The following ANK2 variants were observed in gnomAD, a reference collection of about 807,000 sequenced individuals.
ANK2 encodes ankyrin-2.
Under a neutral mutation model 360.5 loss-of-function variants are expected in ANK2, and 83 were observed. That is an observed-to-expected ratio of 0.23 (90% CI 0.19 to 0.28). The LOEUF is 0.28. Ranked by LOEUF, ANK2 falls within the 10% of genes least tolerant of loss-of-function variation. The pLI is 1.00. For missense variants in ANK2, 4,201 were observed against 4,795.7 expected, an observed-to-expected ratio of 0.88 and a Z score of 3.66; for synonymous variants, 1,740 against 1,759.5, an observed-to-expected ratio of 0.99 and a Z score of 0.28.
At chr4:112,863,678 A>T (rs1485286369) in intron 1 of ANK2, among the ~76,000 whole-genome samples, 1 of 151,558 alleles carries the variant, frequency 6.6e-6, no homozygotes, top group South Asian at 2.1e-4. Flanking sequence ...GCCAGCCACC[A>T]CGCCCGGCTA....
At chr4:112,822,140 C>G (rs1026137159) in intron 1 of ANK2, among the ~76,000 whole-genome samples, 1 of 150,536 alleles carries the variant, frequency 6.6e-6, no homozygotes, top group Non-Finnish European at 1.5e-5. Context: ...CGGTGGCTTA[C>G]GTCTGTAATC....
chr4:113,251,521 C>T (rs900007973), intron 10 of ANK2, among the ~76,000 whole-genome samples: 17 of 123,284 alleles, frequency 1.4e-4, no homozygotes, highest in African/African-American at 2.8e-4. Context: ...CTCGCTCTGT[C>T]GCCCAGGCTG....
At chr4:113,306,772 C>A (rs1482716409) in intron 23 of ANK2, among the ~76,000 whole-genome samples, 1 of 151,998 alleles carries the variant, frequency 6.6e-6, no homozygotes, top group Non-Finnish European at 1.5e-5. Flanking sequence ...TTCAATAGCA[C>A]GCAGCTAGTA....
intron 1 of ANK2, among the ~76,000 whole-genome samples, chr4:113,114,410 G>T (rs1288001548): frequency 1.3e-5 from 2 of 152,202 alleles, no homozygotes; most frequent in African/African-American, 2.4e-5. Context: ...ACAGTGCTTT[G>T]TGCAATGCGT....
At chr4:113,056,876 A>C (rs924850680) in intron 1 of ANK2, among the ~76,000 whole-genome samples, 2 of 152,232 alleles carry the variant, frequency 1.3e-5, no homozygotes, top group Non-Finnish European at 2.9e-5. Flanking sequence ...GTTAACTCAC[A>C]GACAACTATC....
intron 2 of ANK2, among the ~76,000 whole-genome samples, chr4:112,990,095 C>A (rs1033828791): frequency 2.6e-5 from 4 of 151,998 alleles, no homozygotes; most frequent in African/African-American, 4.8e-5. Context: ...AGTAGTGAGA[C>A]CCCGTCTCTA....
Position 112,920,472 on chromosome 4 carries a change from A to T in ANK2, c.21+15958A>T, listed in dbSNP as rs2091182557. Among the ~76,000 whole-genome samples, 4 of 152,218 alleles carry T rather than the reference A, an allele frequency of 2.6e-5. No homozygotes were observed. In the East Asian group the frequency reaches 7.7e-4, roughly 29 times the overall value. The stretch of plus-strand genomic sequence containing the variant: ...CAAAATATTATACATATACCAGAGG[A>T]TGTAGAATATAACACTAAAGAGACA... On this transcript the variant is annotated intron_variant, in intron 2 of 30. Coordinates refer to the ANK2 transcript ENST00000503271.
At chr4:112,762,783 T>C in the ANK2 span, among the ~76,000 whole-genome samples, 1 of 152,246 alleles carries the variant, frequency 6.6e-6, no homozygotes, top group Non-Finnish European at 1.5e-5. Context: ...GTGCTGGGAT[T>C]ATGGGCGTGA....
intron 5 of ANK2, among the ~76,000 whole-genome samples, chr4:113,235,199 T>G (rs542475157): frequency 2.8e-4 from 42 of 152,236 alleles, no homozygotes; most frequent in Non-Finnish European, 5.9e-4. Flanking sequence ...CATTTAAATA[T>G]GTATGTGCTA....
chr4:112,774,126 C>G, the ANK2 span, among the ~76,000 whole-genome samples: 1 of 152,012 alleles, frequency 6.6e-6, no homozygotes, highest in Non-Finnish European at 1.5e-5. Context: ...CCACCGCGCC[C>G]AGCCGGAAAT....
chr4:113,068,675 A>C (rs2076458290), intron 1 of ANK2, among the ~76,000 whole-genome samples: 1 of 152,168 alleles, frequency 6.6e-6, no homozygotes, highest in Admixed American at 6.6e-5. Context: ...AGAGTCAAAA[A>C]CTGTAGACAA....
chr4:112,916,074 A>T (rs972197003), intron 2 of ANK2, among the ~76,000 whole-genome samples: 1 of 152,184 alleles, frequency 6.6e-6, no homozygotes, highest in African/African-American at 2.4e-5. Context: ...AGTTTCATTA[A>T]GATAAAAAGT....
chr4:112,765,735 ACT>A, the ANK2 span, among the ~76,000 whole-genome samples: 5 of 148,174 alleles, frequency 3.4e-5, no homozygotes, highest in East Asian at 9.9e-4. Context: ...AAAATTCCTA[ACT>A]CTGTGTTGTC....
chr4:113,272,679 G>C lies in ANK2; in HGVS notation c.1486-1773G>C, dbSNP rs190622832. On this transcript the variant is annotated intron_variant, in intron 14 of 45. Transcript: ENST00000357077. Reference sequence around the variant, plus strand: ...ACAGTCTAAGAACCAAGGATCAATAGTTAATAACTAACCAATTATGTAGCT... The same window carrying C: ...ACAGTCTAAGAACCAAGGATCAATACTTAATAACTAACCAATTATGTAGCT... 4.2e-3 allele frequency among the ~76,000 whole-genome samples: 645 copies of C among 152,110 alleles called. 2 individuals are homozygous for C. Among genetic ancestry groups the C allele is most frequent in the Middle Eastern group, 6.8e-3 (2 of 294 alleles).
chr4:113,002,608 C>T (rs907069354), intron 2 of ANK2, among the ~76,000 whole-genome samples: 5 of 152,136 alleles, frequency 3.3e-5, no homozygotes, highest in African/African-American at 1.2e-4. Context: ...TTCTTGATCT[C>T]CACCTGTACT....
At chr4:112,733,472 T>C in the ANK2 span, among the ~76,000 whole-genome samples, 1 of 152,176 alleles carries the variant, frequency 6.6e-6, no homozygotes, top group Non-Finnish European at 1.5e-5. Context: ...GTAATTTTAC[T>C]CTAGTTATTT....
Position 113,278,479 on chromosome 4 carries a change from A to C in ANK2, c.1802A>C (p.His601Pro). 1 of 1,613,978 alleles carries C rather than the reference A, an allele frequency of 6.2e-7. No homozygotes were observed. The highest frequency in any genetic ancestry group is 8.5e-7 in the Non-Finnish European group (1 of 1,179,942). The change falls in exon 17 of 46, where the codon CAT (histidine) becomes CCT (proline). Residue 601 changes from histidine (H) to proline (P), a missense_variant. By Grantham distance (77) the His-to-Pro change is moderately conservative. Transcript: ENST00000357077. ...TTACAGAACGGCCTTACCCCGCTCC[A>C]TGTTGCTGCTCATTATGACAACCAG... ...SAGKNGLTPLHVAAHYDNQKV... is the reference protein window; with the variant it reads ...SAGKNGLTPLPVAAHYDNQKV...
At chr4:112,809,284 G>A in the ANK2 span, among the ~76,000 whole-genome samples, 2 of 150,678 alleles carry the variant, frequency 1.3e-5, no homozygotes, top group Non-Finnish European at 1.5e-5. Flanking sequence ...AATAAGGGCC[G>A]GGCGCGGTGG....
chr4:113,085,353 G>A (rs1368968958), intron 1 of ANK2, among the ~76,000 whole-genome samples: 4 of 151,116 alleles, frequency 2.6e-5, no homozygotes, highest in Admixed American at 1.3e-4. Context: ...TCACTCTGTC[G>A]CCCAGGCTGG....
Sources: gnomAD v4.1 joint callset for allele counts (sites outside exome capture counted in the v4.1 genomes callset) on GRCh38, gnomAD v4.1.1 for gene constraint, MANE v1.5 for transcripts, NCBI Gene and HGNC (gene_info 2026-07-23, HGNC 2026-07-21) for gene names.